KAZN: variants seen among roughly 807,000 people sequenced by gnomAD.
The protein encoded by KAZN is kazrin.
In KAZN, 40 loss-of-function variants were observed where a neutral mutation model predicts 87.4. That is an observed-to-expected ratio of 0.46 (90% CI 0.36 to 0.60). KAZN has a LOEUF of 0.60. Ranked by LOEUF, KAZN falls within the 20% of genes least tolerant of loss-of-function variation. The probability of loss-of-function intolerance (pLI) is 0.00; values close to 1 mark genes in which losing one functional copy is unlikely to be tolerated. For missense variants in KAZN, 898 were observed against 1,073.9 expected (o/e 0.84, Z 2.29); for synonymous variants, 466 against 458.3 (o/e 1.02, Z -0.22).
At chr1:14,470,271 C>A (rs1227740612) in intron 2 of KAZN, among the ~76,000 whole-genome samples, 1 of 150,878 alleles carries the variant, frequency 6.6e-6, no homozygotes, top group Admixed American at 6.6e-5. Context: ...CATGAAGCAG[C>A]CTCCTTAGAA....
intron 1 of KAZN, among the ~76,000 whole-genome samples, chr1:14,937,163 G>A (rs890368807): frequency 3.9e-5 from 6 of 152,196 alleles, no homozygotes; most frequent in African/African-American, 1.2e-4. Context: ...AGAGGACAGC[G>A]TGGCAGAGAG....
chr1:14,717,984 T>C (rs1642888853), intron 1 of KAZN, among the ~76,000 whole-genome samples: 2 of 152,198 alleles, frequency 1.3e-5, no homozygotes, highest in Non-Finnish European at 2.9e-5. Context: ...TCAGAGGCCA[T>C]CAAGAGGGAC....
intron 2 of KAZN, among the ~76,000 whole-genome samples, chr1:14,207,042 C>T (rs998012749): frequency 1.3e-5 from 2 of 151,168 alleles, no homozygotes. Flanking sequence ...CAGCTCACTG[C>T]AACTTCTGCC....
chr1:14,017,292 C>A (rs866116957), intron 1 of KAZN, among the ~76,000 whole-genome samples: 1 of 152,212 alleles, frequency 6.6e-6, no homozygotes, highest in Non-Finnish European at 1.5e-5. Context: ...AGACTCAGAG[C>A]CCTCAAATCT....
intron 2 of KAZN, among the ~76,000 whole-genome samples, chr1:15,006,631 C>A (rs1669030711): frequency 2.0e-5 from 3 of 152,196 alleles, no homozygotes. Context: ...AGGGATACAG[C>A]AGTTGACAAA....
chr1:14,013,321 A>G lies in KAZN; in HGVS notation c.91+119565A>G, dbSNP rs1307320642. On this transcript the variant is annotated intron_variant, in intron 1 of 16. Transcript: ENST00000636203. ...CAGGCAGGAACAAAGTTGTTCCTCG[A>G]TCTAGGTTTTGTGCACAATAGTCAA... is the stretch of plus-strand genomic sequence containing the variant. Among the ~76,000 whole-genome samples the G allele has an allele frequency of 2.6e-5, 4 of 152,198 alleles. No homozygotes were observed. In the South Asian group the frequency reaches 8.3e-4, roughly 32 times the overall value.
chr1:14,796,769 G>A (rs1645841812), intron 1 of KAZN, among the ~76,000 whole-genome samples: 1 of 152,228 alleles, frequency 6.6e-6, no homozygotes, highest in South Asian at 2.1e-4. Context: ...AGTGGGAAAG[G>A]AAGGGGTGAG....
At chr1:14,262,606 T>C (rs1191344259) in intron 2 of KAZN, among the ~76,000 whole-genome samples, 5 of 152,198 alleles carry the variant, frequency 3.3e-5, no homozygotes, top group Non-Finnish European at 7.3e-5. Flanking sequence ...CACTGTCCGA[T>C]GTCATTTAAT....
At chr1:14,742,592 G>C (rs1299867256) in intron 1 of KAZN, among the ~76,000 whole-genome samples, 1 of 152,306 alleles carries the variant, frequency 6.6e-6, no homozygotes. Flanking sequence ...AAGCCTGGAG[G>C]TTTCTCTCCC....
At position 14,181,356 on chromosome 1, in the gene KAZN, T is replaced by C. The variant is rs1450890391; in HGVS notation, c.249+764T>C. On this transcript the variant is annotated intron_variant, in intron 2 of 16. Transcript: ENST00000636203. ...TGCCCCGGGGATTTCTTCCTGAGCTTGTTTTCTGTTCAGCATTGCTGAGGT... is the reference window on the plus strand; with the variant it reads ...TGCCCCGGGGATTTCTTCCTGAGCTCGTTTTCTGTTCAGCATTGCTGAGGT... Among the ~76,000 whole-genome samples, 4 of 152,268 alleles carry C rather than the reference T, an allele frequency of 2.6e-5. No homozygotes were observed. The East Asian group carries it at 7.7e-4, about 29-fold the overall frequency.
At chr1:14,789,793 AAAAATCCCT>A in intron 1 of KAZN, among the ~76,000 whole-genome samples, 1 of 139,870 alleles carries the variant, frequency 7.1e-6, no homozygotes, top group East Asian at 2.1e-4. Flanking sequence ...AAAAAAAAAA[AAAAATCCCT>A]AGAGCCTAGA....
At chr1:14,888,183 G>A (rs1024205051) in intron 1 of KAZN, among the ~76,000 whole-genome samples, 5 of 152,270 alleles carry the variant, frequency 3.3e-5, no homozygotes, top group African/African-American at 4.8e-5. Context: ...GTGCCTCGCC[G>A]GAGCGGTGCT....
chr1:14,086,715 T>C (rs544903903), intron 1 of KAZN, among the ~76,000 whole-genome samples: 2 of 152,332 alleles, frequency 1.3e-5, no homozygotes, highest in South Asian at 4.1e-4. Context: ...TTTAGGTCTA[T>C]GATCCATTTG....
chr1:14,649,993 T>C (rs1270398431), intron 1 of KAZN, among the ~76,000 whole-genome samples: 1 of 150,864 alleles, frequency 6.6e-6, no homozygotes, highest in Non-Finnish European at 1.5e-5. Context: ...TTAACTGTCC[T>C]GTGACAGTGG....
intron 1 of KAZN, among the ~76,000 whole-genome samples, chr1:14,916,950 C>A (rs1657881656): frequency 6.6e-6 from 1 of 151,920 alleles, no homozygotes; most frequent in Non-Finnish European, 1.5e-5. Flanking sequence ...TCGTGACAGT[C>A]CAACAAGCAG....
chr1:14,643,184 G>A (rs1680537809), intron 1 of KAZN, among the ~76,000 whole-genome samples: 1 of 152,102 alleles, frequency 6.6e-6, no homozygotes, highest in South Asian at 2.1e-4. Flanking sequence ...TTTTATTTTA[G>A]GTTCAGAGGT....
intron 8 of KAZN, among the ~76,000 whole-genome samples, chr1:15,072,580 T>G (rs1639561724): frequency 6.6e-6 from 1 of 152,188 alleles, no homozygotes; most frequent in African/African-American, 2.4e-5. Flanking sequence ...TTATGCAGTA[T>G]TTTCTTTGTG....
At chr1:14,730,425 T>C (rs1384692205) in intron 1 of KAZN, among the ~76,000 whole-genome samples, 17 of 152,190 alleles carry the variant, frequency 1.1e-4, no homozygotes, top group Non-Finnish European at 2.2e-4. Flanking sequence ...TATTCATTGA[T>C]GGGCTGCCTT....
intron 1 of KAZN, among the ~76,000 whole-genome samples, chr1:14,700,580 T>C (rs576066950): frequency 6.6e-6 from 1 of 152,308 alleles, no homozygotes; most frequent in African/African-American, 2.4e-5. Flanking sequence ...AAATCAACTG[T>C]TTCCACAGGG....
Sources: allele counts gnomAD v4.1 joint callset (sites outside exome capture counted in the v4.1 genomes callset), GRCh38; gene constraint gnomAD v4.1.1; transcripts MANE v1.5; gene names NCBI Gene and HGNC (gene_info 2026-07-23, HGNC 2026-07-21).